XPO4: variants seen among roughly 807,000 people sequenced by gnomAD.
The protein encoded by XPO4 is exportin-4.
XPO4 carries 39 observed loss-of-function variants against 143.0 expected under a neutral mutation model. The observed-to-expected ratio is 0.27, with a 90% CI of 0.21 to 0.36. The LOEUF is 0.36. XPO4 is among the 10% of genes least tolerant of loss of function. The pLI is 1.00. For synonymous variants in XPO4, 439 were observed against 474.0 expected, an observed-to-expected ratio of 0.93 and a Z score of 0.96; for missense variants, 907 against 1,348.0, an observed-to-expected ratio of 0.67 and a Z score of 5.12.
chr13:20,878,325 C>T (rs1360133375), intron 1 of XPO4, among the ~76,000 whole-genome samples: 2 of 152,148 alleles, frequency 1.3e-5, no homozygotes, highest in Non-Finnish European at 2.9e-5. Flanking sequence ...ACTTCTACCA[C>T]CTTCTAGACA....
intron 1 of XPO4, among the ~76,000 whole-genome samples, chr13:20,869,231 T>G (rs1264697251): frequency 6.6e-6 from 1 of 152,194 alleles, no homozygotes; most frequent in Non-Finnish European, 1.5e-5. Context: ...GTTTGGAATT[T>G]ATGAAATGTA....
intron 6 of XPO4, among the ~76,000 whole-genome samples, chr13:20,840,151 A>C (rs753065172): frequency 5.3e-5 from 8 of 152,098 alleles, no homozygotes; most frequent in Non-Finnish European, 8.8e-5. Context: ...CTAAATACAC[A>C]AATTTTCCAT....
intron 7 of XPO4, among the ~76,000 whole-genome samples, chr13:20,826,264 C>T (rs1012553948): frequency 2.0e-5 from 3 of 152,144 alleles, no homozygotes; most frequent in Non-Finnish European, 4.4e-5. Flanking sequence ...ATAAAGAGGA[C>T]TGTCTAAAGT....
chr13:20,783,644 G>T lies in XPO4; in HGVS notation c.*78C>A. ...AAATGGCCAAATGAACTGAGGAATA[G>T]GACAAGACTCAAGTCAACTTTCAGC... is the stretch of plus-strand genomic sequence containing the variant. On this transcript the variant is annotated 3_prime_UTR_variant, in exon 23 of 23. Transcript: ENST00000255305. The T allele has an allele frequency of 6.7e-7, 1 of 1,498,612 alleles. No homozygotes were observed. The highest frequency in any genetic ancestry group is 9.3e-7 in the Non-Finnish European group (1 of 1,079,682). 92.8% of individuals were successfully genotyped at this position (1,498,612 alleles called of 1,614,324 possible). A position where few individuals can be genotyped will look rare whatever the true frequency, so the allele number is the denominator to read the frequency against.
intron 3 of XPO4, among the ~76,000 whole-genome samples, chr13:20,862,252 C>T (rs1313230347): frequency 6.6e-6 from 1 of 152,126 alleles, no homozygotes; most frequent in Non-Finnish European, 1.5e-5. Flanking sequence ...AAAGGTTCTT[C>T]ATCTAATCTA....
At chr13:20,882,385 T>A (rs1190978695) in intron 1 of XPO4, among the ~76,000 whole-genome samples, 2 of 152,056 alleles carry the variant, frequency 1.3e-5, no homozygotes, top group African/African-American at 4.8e-5. Flanking sequence ...AGAGCCAGCA[T>A]ATCATATGGC....
chr13:20,793,654 C>A (rs527987790), intron 18 of XPO4, among the ~76,000 whole-genome samples: 49 of 152,188 alleles, frequency 3.2e-4, no homozygotes, highest in African/African-American at 1.0e-3. Flanking sequence ...CCCTGGTTCA[C>A]GCCATTCTCC....
chr13:20,816,100 A>C lies in XPO4; in HGVS notation c.1173+5604T>G, dbSNP rs540409850. 6.6e-5 allele frequency among the ~76,000 whole-genome samples: 10 copies of C among 152,332 alleles called. No individual in the cohort carries two copies. In the South Asian group the frequency reaches 2.1e-3, roughly 32 times the overall value. On this transcript the variant is annotated intron_variant, in intron 9 of 22. Coordinates refer to ENST00000255305, the MANE Select transcript of XPO4 (RefSeq NM_022459.5). ...TAACATAAAACTAGTACTTTATATG[A>C]ATGAAACATTTCACAATAACTTTAA... is the stretch of plus-strand genomic sequence containing the variant.
intron 4 of XPO4, chr13:20,849,849 T>C (rs965332858): frequency 9.2e-6 from 9 of 975,740 alleles, no homozygotes; most frequent in Non-Finnish European, 1.1e-5. Flanking sequence ...CTCACACCTG[T>C]AATCCCAGCA....
At chr13:20,796,356 T>G in intron 17 of XPO4, 100 bp from the exon 18 acceptor site, 1 of 810,682 alleles carries the variant, frequency 1.2e-6, no homozygotes, top group Non-Finnish European at 1.7e-6. Flanking sequence ...ATTCCAACAG[T>G]AGCAATAATT....
intron 1 of XPO4, among the ~76,000 whole-genome samples, chr13:20,891,535 G>A (rs1486779279): frequency 6.6e-6 from 1 of 152,086 alleles, no homozygotes; most frequent in African/African-American, 2.4e-5. Flanking sequence ...ACTCCCTGAG[G>A]TAGTGGTTAT....
chr13:20,867,112 TTTAACA>T (rs1595145185), intron 2 of XPO4, among the ~76,000 whole-genome samples: 1 of 152,262 alleles, frequency 6.6e-6, no homozygotes, highest in Admixed American at 6.5e-5. Context: ...TTTTGCTTCC[TTTAACA>T]TTGAGTTAAA....
intron 6 of XPO4, among the ~76,000 whole-genome samples, chr13:20,835,286 A>C (rs576964728): frequency 6.6e-6 from 1 of 152,352 alleles, no homozygotes; most frequent in East Asian, 1.9e-4. Flanking sequence ...CTTTACATAT[A>C]TGTGCTTTAA....
At chr13:20,859,877 T>G in intron 3 of XPO4, 1 of 981,788 alleles carries the variant, frequency 1.0e-6, no homozygotes, top group Non-Finnish European at 1.2e-6. Flanking sequence ...TAATGAAAAT[T>G]TGCTACACAT....
At chr13:20,848,518 G>C (rs2060050417) in intron 4 of XPO4, 1 of 985,218 alleles carries the variant, frequency 1.0e-6, no homozygotes, top group South Asian at 4.7e-5. Context: ...AGGTAAAGTA[G>C]CAGCTGTATT....
intron 3 of XPO4, chr13:20,858,040 A>T: frequency 1.1e-6 from 1 of 909,056 alleles, no homozygotes; most frequent in Non-Finnish European, 1.3e-6. Context: ...TCTAATCCAC[A>T]CTGTAGGGCA....
chr13:20,882,955 C>A (rs56709663), intron 1 of XPO4, among the ~76,000 whole-genome samples: 39 of 152,160 alleles, frequency 2.6e-4, no homozygotes, highest in African/African-American at 8.4e-4. Flanking sequence ...TACTCAGAGC[C>A]CCGAGAGGCT....
chr13:20,874,701 C>A (rs1430610156), intron 1 of XPO4, among the ~76,000 whole-genome samples: 2 of 152,196 alleles, frequency 1.3e-5, no homozygotes, highest in African/African-American at 4.8e-5. Context: ...ACCAAATCAA[C>A]TTCTGTTCTT....
At chr13:20,879,130 C>T in intron 1 of XPO4, 2 of 985,406 alleles carry the variant, frequency 2.0e-6, no homozygotes, top group Non-Finnish European at 2.4e-6. Context: ...CCTCTAGTGA[C>T]CCTGAACTTC....
Sources: allele counts gnomAD v4.1 joint callset (sites outside exome capture counted in the v4.1 genomes callset), GRCh38; gene constraint gnomAD v4.1.1; transcripts MANE v1.5; gene names NCBI Gene and HGNC (gene_info 2026-07-23, HGNC 2026-07-21).